Variants in ARHGAP24 observed in about 807,000 individuals in gnomAD.
ARHGAP24 encodes the protein rho GTPase-activating protein 24.
In ARHGAP24, 50 loss-of-function variants were observed where a neutral mutation model predicts 76.4. That is an observed-to-expected ratio of 0.65 (90% CI 0.52 to 0.83). ARHGAP24 has a LOEUF of 0.83. ARHGAP24 is among the 40% of genes least tolerant of loss of function. The probability of loss-of-function intolerance (pLI) is 0.00; values close to 1 mark genes in which losing one functional copy is unlikely to be tolerated. For missense variants in ARHGAP24, 930 were observed against 914.2 expected, an observed-to-expected ratio of 1.02 and a Z score of -0.22; for synonymous variants, 345 against 323.3, an observed-to-expected ratio of 1.07 and a Z score of -0.72.
intron 5 of ARHGAP24, among the ~76,000 whole-genome samples, chr4:85,969,859 A>C (rs965619810): frequency 2.0e-5 from 3 of 152,196 alleles, no homozygotes; most frequent in African/African-American, 7.2e-5. Context: ...GCAGTTTTGA[A>C]GATGACCTGG....
In ARHGAP24 at chr4:85,977,705, T is replaced by G; in HGVS notation, c.928+14T>G. 2 of 1,612,896 alleles carry G rather than the reference T, an allele frequency of 1.2e-6. No homozygotes were observed. Among genetic ancestry groups the G allele is most frequent in the Non-Finnish European group, 1.7e-6 (2 of 1,179,080 alleles). ...CTATCATGGAGGGTAAGTAAATGAT[T>G]ATCTTATACCCTTATCAAAAGAAGA... On this transcript the variant is annotated intron_variant, in intron 8 of 9. Coordinates refer to ENST00000395184, the MANE Select transcript of ARHGAP24 (RefSeq NM_001025616.3).
intron 1 of ARHGAP24, among the ~76,000 whole-genome samples, chr4:85,546,668 A>G (rs1725931488): frequency 6.6e-6 from 1 of 152,238 alleles, no homozygotes; most frequent in Non-Finnish European, 1.5e-5. Flanking sequence ...CTTCTAGCAT[A>G]GTAACCTTTC....
intron 1 of ARHGAP24, among the ~76,000 whole-genome samples, chr4:85,565,362 C>T (rs560253349): frequency 2.0e-5 from 3 of 152,258 alleles, no homozygotes; most frequent in South Asian, 4.1e-4. Flanking sequence ...ACAAATCTCT[C>T]ATAGGTTGCA....
Position 85,982,761 on chromosome 4 carries a change from G to GTTTTA in ARHGAP24, c.928+5078_928+5082dup, listed in dbSNP as rs572287056. Among the ~76,000 whole-genome samples the GTTTTA allele has an allele frequency of 6.1e-3, 934 of 152,046 alleles. 4 individuals carry two copies. Among genetic ancestry groups the GTTTTA allele is most frequent in the Middle Eastern group, 0.01 (3 of 294 alleles). ...TGTTTTTTGTGTGTTTTTTTAACTTGTTTTATTTTATTCTATTTTAAGTTC... is the reference window on the plus strand; with the variant it reads ...TGTTTTTTGTGTGTTTTTTTAACTTGTTTTATTTTATTTTATTCTATTTTAAGTTC... On this transcript the variant is annotated intron_variant, in intron 8 of 9. Coordinates refer to ENST00000395184, the MANE Select transcript of ARHGAP24 (RefSeq NM_001025616.3).
chr4:85,849,667 C>A (rs180778), intron 3 of ARHGAP24, among the ~76,000 whole-genome samples: 127,203 of 152,116 alleles, frequency 0.84, 55,514 homozygotes, highest in Non-Finnish European at 0.97. Flanking sequence ...AGGGCTGTTG[C>A]ATTTTATTGA....
intron 2 of ARHGAP24, among the ~76,000 whole-genome samples, chr4:85,719,066 G>C (rs867652953): frequency 8.3e-4 from 127 of 152,184 alleles, no homozygotes; most frequent in African/African-American, 2.8e-3. Flanking sequence ...CTAAAACTGA[G>C]ATAAATCACA....
intron 3 of ARHGAP24, among the ~76,000 whole-genome samples, chr4:85,883,017 T>G (rs768028428): frequency 6.6e-6 from 1 of 152,052 alleles, no homozygotes; most frequent in Admixed American, 6.6e-5. Context: ...TTGAGAATAT[T>G]TAAATGGTCC....
Position 85,995,060 on chromosome 4 carries a change from G to A in ARHGAP24, c.1406G>A (p.Gly469Asp), listed in dbSNP as rs1274796676. 4 of 1,613,952 alleles carry A rather than the reference G, an allele frequency of 2.5e-6. No individual in the cohort carries two copies. Among genetic ancestry groups the A allele is most frequent in the Non-Finnish European group, 3.4e-6 (4 of 1,180,038 alleles). ...AGGAGCTCTTCACTGAAGGTATCTGGTACCAAAATGGGCACGCACAGTGTA... is the reference window on the plus strand; with the variant it reads ...AGGAGCTCTTCACTGAAGGTATCTGATACCAAAATGGGCACGCACAGTGTA... The part of the protein sequence containing the change: ...ARRSSSLKVS[G>D]TKMGTHSVQN... The change falls in exon 9 of 10, where the codon GGT becomes GAT. Residue 469 changes from glycine to aspartate, a missense_variant. Coordinates refer to ENST00000395184, the MANE Select transcript of ARHGAP24 (RefSeq NM_001025616.3).
chr4:85,768,221 TA>T (rs1408041777), intron 3 of ARHGAP24, among the ~76,000 whole-genome samples: 2 of 152,242 alleles, frequency 1.3e-5, no homozygotes, highest in African/African-American at 4.8e-5. Flanking sequence ...CAGTTTGATT[TA>T]TTTTTTTATT....
Position 85,766,772 on chromosome 4 carries a change from T to C in ARHGAP24, c.268+44800T>C, listed in dbSNP as rs540058099. Among the ~76,000 whole-genome samples, 34 of 152,246 alleles carry C rather than the reference T, an allele frequency of 2.2e-4. 1 individual carries two copies. In the South Asian group the frequency reaches 6.8e-3, roughly 31 times the overall value. On this transcript the variant is annotated intron_variant, in intron 3 of 9. Coordinates refer to ENST00000395184, the MANE Select transcript of ARHGAP24 (RefSeq NM_001025616.3). ...CTAAGGTCATTTACTAGCTCTAACTTGAGAACCACAAACTATACTGGGTTC... is the reference window on the plus strand; with the variant it reads ...CTAAGGTCATTTACTAGCTCTAACTCGAGAACCACAAACTATACTGGGTTC...
intron 2 of ARHGAP24, among the ~76,000 whole-genome samples, chr4:85,634,897 C>T (rs1288955548): frequency 6.6e-6 from 1 of 151,680 alleles, no homozygotes; most frequent in Non-Finnish European, 1.5e-5. Flanking sequence ...TTTTCCTTAT[C>T]CTTCAAGTAA....
intron 3 of ARHGAP24, among the ~76,000 whole-genome samples, chr4:85,765,438 A>G (rs1177624576): frequency 2.0e-5 from 3 of 152,136 alleles, no homozygotes; most frequent in Non-Finnish European, 2.9e-5. Flanking sequence ...ATGAGTTGAA[A>G]GATTCACTAA....
chr4:85,663,553 A>G (rs1161278456), intron 2 of ARHGAP24, among the ~76,000 whole-genome samples: 3 of 148,404 alleles, frequency 2.0e-5, no homozygotes, highest in African/African-American at 5.1e-5. Flanking sequence ...TTCCAACACT[A>G]TGTTGAATAG....
rs1466731968 is a variant in ARHGAP24 at position 85,521,957 on chromosome 4, T to A, written c.-21+46398T>A. On this transcript the variant is annotated intron_variant, in intron 1 of 9. Transcript: ENST00000395184. ...TAAAGATCAAATTATTAAGATCTCA[T>A]TCTTTAAATTATTAAAATGTTTGAT... Among the ~76,000 whole-genome samples the A allele has an allele frequency of 1.8e-4, 27 of 152,204 alleles. 1 individual carries two copies. Among genetic ancestry groups the A allele is most frequent in the Admixed American group, 1.8e-3 (27 of 15,278 alleles).
intron 2 of ARHGAP24, among the ~76,000 whole-genome samples, chr4:85,636,026 A>T (rs375235521): frequency 6.6e-6 from 1 of 151,532 alleles, no homozygotes; most frequent in Admixed American, 6.6e-5. Flanking sequence ...TATTTACTCT[A>T]TAAATGAACT....
chr4:85,883,986 T>C (rs1472921788), intron 3 of ARHGAP24, among the ~76,000 whole-genome samples: 2 of 152,096 alleles, frequency 1.3e-5, no homozygotes, highest in African/African-American at 4.8e-5. Flanking sequence ...CACTTAAAAC[T>C]CCCATAATGT....
chr4:85,680,361 T>G (rs150856325), intron 2 of ARHGAP24, among the ~76,000 whole-genome samples: 1 of 152,312 alleles, frequency 6.6e-6, no homozygotes, highest in African/African-American at 2.4e-5. Flanking sequence ...AGTCAACCTT[T>G]CATTGAATGT....
chr4:85,850,862 C>T (rs950393432), intron 3 of ARHGAP24, among the ~76,000 whole-genome samples: 2 of 152,166 alleles, frequency 1.3e-5, no homozygotes, highest in African/African-American at 4.8e-5. Context: ...AAGTACTTTA[C>T]TTCAAACTAT....
At chr4:85,577,843 C>A (rs1382126484) in intron 2 of ARHGAP24, among the ~76,000 whole-genome samples, 1 of 151,920 alleles carries the variant, frequency 6.6e-6, no homozygotes, top group East Asian at 1.9e-4. Flanking sequence ...GTATTTATGG[C>A]AAAGAAAAGG....
Sources: gnomAD v4.1 joint callset for allele counts (sites outside exome capture counted in the v4.1 genomes callset) on GRCh38, gnomAD v4.1.1 for gene constraint, MANE v1.5 for transcripts, NCBI Gene and HGNC (gene_info 2026-07-23, HGNC 2026-07-21) for gene names.